The following NCK1 variants were observed in gnomAD, a reference collection of about 807,000 sequenced individuals.
NCK1 encodes SH2/SH3 adapter protein NCK1.
A neutral mutation model predicts 36.6 loss-of-function variants in NCK1; 19 were observed. That is an observed-to-expected ratio of 0.52 (90% confidence interval 0.36 to 0.76). The LOEUF (loss-of-function observed/expected upper bound fraction) is 0.76. Ranked by LOEUF, NCK1 falls within the 30% of genes least tolerant of loss-of-function variation. The pLI is 0.00. For missense variants in NCK1, 358 were observed against 445.6 expected, an observed-to-expected ratio of 0.80 and a Z score of 1.77; for synonymous variants, 165 against 156.0, an observed-to-expected ratio of 1.06 and a Z score of -0.43.
At chr3:136,939,706 T>C (rs2108144015) in intron 2 of NCK1, among the ~76,000 whole-genome samples, 1 of 152,242 alleles carries the variant, frequency 6.6e-6, no homozygotes. Context: ...GGTGACCTAT[T>C]GGTTTAAGAG....
At chr3:136,941,525 T>A (rs1940676645) in intron 2 of NCK1, among the ~76,000 whole-genome samples, 1 of 152,174 alleles carries the variant, frequency 6.6e-6, no homozygotes, top group South Asian at 2.1e-4. Flanking sequence ...ACATCTTAGG[T>A]TTTTAACAAT....
chr3:136,904,410 C>T (rs1939627106), intron 1 of NCK1, among the ~76,000 whole-genome samples: 3 of 152,186 alleles, frequency 2.0e-5, no homozygotes, highest in Admixed American at 2.0e-4. Context: ...GCCTCAGCCT[C>T]CCAAAGTGCT....
At position 136,928,182 on chromosome 3, in the gene NCK1, A is replaced by G. The variant is rs761581267; in HGVS notation, c.181A>G (p.Ser61Gly). ...VPSNYVERKN[S>G]ARKASIVKNL... ...TTCTAACTATGTGGAAAGGAAAAAC[A>G]GTGCTCGGAAAGCATCTATTGTGAA... is the stretch of plus-strand genomic sequence containing the variant. Residue 61 changes from serine to glycine, a missense_variant, in exon 2 of 4, where the codon AGT becomes GGT. This residue lies in a region of NCK1 where 143 missense variants were observed against 162.4 expected (regional missense o/e 0.88). Coordinates refer to ENST00000481752, the MANE Select transcript of NCK1 (RefSeq NM_001291999.2). The G allele has an allele frequency of 8.7e-6, 14 of 1,614,136 alleles. No homozygotes were observed. In the African/African-American group the frequency reaches 1.3e-4, roughly 15 times the overall value.
intron 1 of NCK1, among the ~76,000 whole-genome samples, chr3:136,895,367 A>G (rs902648331): frequency 1.3e-5 from 2 of 151,888 alleles, no homozygotes. Context: ...TTGCAATAAA[A>G]TTGTTTTGTC....
intron 1 of NCK1, chr3:136,899,433 T>TTA (rs1553794521): frequency 5.5e-4 from 154 of 278,472 alleles, no homozygotes; most frequent in East Asian, 4.8e-3. Flanking sequence ...TTTTTTTTTT[T>TTA]AAATTTCTTT....
In NCK1 at chr3:136,887,976, C is replaced by G. The variant is rs547177916; in HGVS notation, c.-19+25623C>G. Among the ~76,000 whole-genome samples, 237 of 145,236 alleles carry G rather than the reference C, an allele frequency of 1.6e-3. 1 individual carries two copies. The highest frequency in any genetic ancestry group is 2.9e-3 in the Non-Finnish European group (191 of 66,918). On this transcript the variant is annotated intron_variant, in intron 1 of 3. Coordinates refer to ENST00000481752, the MANE Select transcript of NCK1 (RefSeq NM_001291999.2). ...TTTTTTCTTTTGAGATGGAGTCTTG[C>G]TCTTGTCGCCCAGGCTGGAGTGCAA...
chr3:136,925,639 T>A (rs1940217966), intron 1 of NCK1, among the ~76,000 whole-genome samples: 1 of 152,210 alleles, frequency 6.6e-6, no homozygotes, highest in Non-Finnish European at 1.5e-5. Context: ...ATTGGCTTTT[T>A]TCACTGAGCA....
chr3:136,886,741 G>A (rs895986463), intron 1 of NCK1, among the ~76,000 whole-genome samples: 3 of 149,436 alleles, frequency 2.0e-5, no homozygotes, highest in Middle Eastern at 3.5e-3. Context: ...TTTAAAGTTC[G>A]TTCATTTTTT....
chr3:136,894,821 C>T (rs1388042149), intron 1 of NCK1, among the ~76,000 whole-genome samples: 1 of 151,972 alleles, frequency 6.6e-6, no homozygotes, highest in Non-Finnish European at 1.5e-5. Flanking sequence ...TTTTTTAAAT[C>T]TTATTAGTAC....
At chr3:136,927,569 T>G (rs1448737690) in intron 1 of NCK1, among the ~76,000 whole-genome samples, 1 of 152,180 alleles carries the variant, frequency 6.6e-6, no homozygotes, top group Non-Finnish European at 1.5e-5. Context: ...GTCGCCAGGC[T>G]GGAGTGCAGT....
At chr3:136,933,567 A>G (rs1274041236) in intron 2 of NCK1, among the ~76,000 whole-genome samples, 1 of 151,644 alleles carries the variant, frequency 6.6e-6, no homozygotes, top group African/African-American at 2.4e-5. Flanking sequence ...TTATCTTTAC[A>G]CTTTTTTTTT....
intron 1 of NCK1, among the ~76,000 whole-genome samples, chr3:136,863,927 C>T (rs571628107): frequency 2.7e-5 from 4 of 150,658 alleles, no homozygotes; most frequent in African/African-American, 4.9e-5. Context: ...CGGTGAAACC[C>T]CGTCTCTACT....
chr3:136,906,847 G>T (rs1203923860), intron 1 of NCK1, among the ~76,000 whole-genome samples: 1 of 152,138 alleles, frequency 6.6e-6, no homozygotes, highest in Admixed American at 6.5e-5. Context: ...GTGCTTAGGT[G>T]CCAACAGTGG....
At chr3:136,905,334 C>G (rs1436694111) in intron 1 of NCK1, among the ~76,000 whole-genome samples, 1 of 152,044 alleles carries the variant, frequency 6.6e-6, no homozygotes, top group Non-Finnish European at 1.5e-5. Flanking sequence ...CCTGGTTTTC[C>G]TTTGTGATAT....
intron 1 of NCK1, among the ~76,000 whole-genome samples, chr3:136,912,111 GTATATT>G: frequency 6.7e-6 from 1 of 148,184 alleles, no homozygotes; most frequent in Middle Eastern, 3.5e-3. Context: ...TATTGAATAT[GTATATT>G]TATGTCTTTC....
rs1372277759 is a variant in NCK1, at chr3:136,951,500, T to C, written c.*3047T>C. Among the ~76,000 whole-genome samples the C allele has an allele frequency of 6.6e-6, 1 of 152,220 alleles. No individual in the cohort carries two copies. Among genetic ancestry groups the C allele is most frequent in the African/African-American group, 2.4e-5 (1 of 41,462 alleles). ...ATAACATGAGTTGAATTCCCACAAG[T>C]CAACAATGAGCTGGAATCTAATATG... is the stretch of plus-strand genomic sequence containing the variant. On this transcript the variant is annotated 3_prime_UTR_variant, in exon 4 of 4. Coordinates refer to ENST00000481752, the MANE Select transcript of NCK1 (RefSeq NM_001291999.2).
intron 1 of NCK1, among the ~76,000 whole-genome samples, chr3:136,878,771 C>T (rs1404178240): frequency 1.3e-5 from 2 of 151,996 alleles, no homozygotes; most frequent in Non-Finnish European, 2.9e-5. Flanking sequence ...AAGTTACTGC[C>T]TTCTTGAGTA....
intron 2 of NCK1, among the ~76,000 whole-genome samples, chr3:136,937,506 C>A (rs1461063431): frequency 1.3e-5 from 2 of 152,116 alleles, no homozygotes; most frequent in Non-Finnish European, 2.9e-5. Flanking sequence ...GTGGAAAAAA[C>A]AAAATGGTTG....
rs985001301 is a variant in NCK1 at position 136,950,976 on chromosome 3, A to C, written c.*2523A>C. On this transcript the variant is annotated 3_prime_UTR_variant, in exon 4 of 4. Coordinates refer to ENST00000481752, the MANE Select transcript of NCK1 (RefSeq NM_001291999.2). ...AACCTTAGGATTCAGCTGAATATAT[A>C]TTCACACATGTATATTACACATATA... is the stretch of plus-strand genomic sequence containing the variant. Among the ~76,000 whole-genome samples the C allele has an allele frequency of 6.6e-6, 1 of 152,166 alleles. No homozygotes were observed. The highest frequency in any genetic ancestry group is 1.5e-5 in the Non-Finnish European group (1 of 68,006).
Sources: gnomAD v4.1 joint callset for allele counts (sites outside exome capture counted in the v4.1 genomes callset) on GRCh38, gnomAD v4.1.1 for gene constraint, gnomAD v4.1.1 regional missense constraint, MANE v1.5 for transcripts, NCBI Gene and HGNC (gene_info 2026-07-23, HGNC 2026-07-21) for gene names.